Variants in SRGAP3 observed in about 807,000 individuals in gnomAD.
SRGAP3 encodes SLIT-ROBO Rho GTPase activating protein 3.
SRGAP3 carries 39 observed loss-of-function variants against 121.1 expected under a neutral mutation model. The ratio of observed to expected loss-of-function variants is 0.32; its 90% CI spans 0.25 to 0.42. SRGAP3 has a LOEUF of 0.42. SRGAP3 is among the 10% of genes least tolerant of loss of function. The pLI is 1.00. For missense variants in SRGAP3, 1,213 were observed against 1,470.6 expected (o/e 0.82, Z 2.86); for synonymous variants, 601 against 570.0 (o/e 1.05, Z -0.77).
chr3:9,047,268 T>C (rs1479737225), intron 10 of SRGAP3, 123 bp downstream of exon 10: 2 of 984,156 alleles, frequency 2.0e-6, no homozygotes, highest in African/African-American at 1.6e-5. Flanking sequence ...TCCTGGTAAG[T>C]CCAGGTTCAT....
At chr3:9,345,057 C>T (rs1205504096) in intron 1 of SRGAP3, among the ~76,000 whole-genome samples, 1 of 151,938 alleles carries the variant, frequency 6.6e-6, no homozygotes, top group Middle Eastern at 3.4e-3. Context: ...GCCAAGGAGG[C>T]TACATATTTA....
Position 8,985,618 on chromosome 3 carries a change from C to A in SRGAP3, c.3201G>T (p.Arg1067=), listed in dbSNP as rs202040708. 40 of 1,597,070 alleles carry A rather than the reference C, an allele frequency of 2.5e-5. No individual in the cohort carries two copies. In the East Asian group the frequency reaches 5.8e-4, roughly 23 times the overall value. ...CGCCCGAGCTGCTGCTGCTGCTGGACCGGTGCTGGACCACCGGCCGCACGG... is the reference window on the plus strand; with the variant it reads ...CGCCCGAGCTGCTGCTGCTGCTGGAACGGTGCTGGACCACCGGCCGCACGG... ...MRPVRPVVQH[R]SSSSSSSGVG... is the part of the protein sequence containing the mutation. Residue 1067 remains arginine, a synonymous_variant, in exon 22 of 22, where the codon CGG becomes CGT. Transcript: ENST00000383836. The surrounding 1 kb of genome is among the most constrained non-coding windows in gnomAD (Gnocchi z 5.1).
intron 18 of SRGAP3, among the ~76,000 whole-genome samples, chr3:8,996,587 C>G (rs967448039): frequency 6.6e-6 from 1 of 152,236 alleles, no homozygotes; most frequent in African/African-American, 2.4e-5. Flanking sequence ...GGGGAAATGA[C>G]AGCACCACTA....
At position 8,992,916 on chromosome 3, in the gene SRGAP3, C is replaced by T; in HGVS notation, c.2548G>A (p.Val850Met). 6.2e-7 allele frequency: 1 copy of T among 1,613,910 alleles called. No homozygotes were observed. The highest frequency in any genetic ancestry group is 1.1e-5 in the South Asian group (1 of 91,072). The change falls in exon 20 of 22, where the codon GTG (valine) becomes ATG (methionine). Residue 850 changes from valine (V) to methionine (M), a missense_variant. By Grantham distance (21) the Val-to-Met change is conservative. Transcript: ENST00000383836. ...ATCCGCATATCCTACCGGCCCATCA[C>T]CCCCCCAAAGCCGTAATCCGAGATG... Reference protein sequence around the residue: ...EHISDYGFGGVMGRVRLRSDG... With the variant: ...EHISDYGFGGMMGRVRLRSDG...
chr3:9,147,314 T>G (rs1575143926), intron 1 of SRGAP3, among the ~76,000 whole-genome samples: 1 of 151,712 alleles, frequency 6.6e-6, no homozygotes, highest in East Asian at 1.9e-4. Flanking sequence ...AGAAGTGGGG[T>G]AAGGGGTCAG....
chr3:9,195,124 G>A (rs1346227293), intron 1 of SRGAP3, among the ~76,000 whole-genome samples: 1 of 152,220 alleles, frequency 6.6e-6, no homozygotes, highest in African/African-American at 2.4e-5. Flanking sequence ...GTTGTGGAGA[G>A]ATGCACATAG....
At chr3:9,025,658 G>C (rs1944161590) in intron 13 of SRGAP3, among the ~76,000 whole-genome samples, 1 of 152,200 alleles carries the variant, frequency 6.6e-6, no homozygotes, top group Non-Finnish European at 1.5e-5. Context: ...CTAGACTCCA[G>C]AGTATATTCT....
chr3:9,028,219 A>G, intron 12 of SRGAP3: 1 of 1,569,296 alleles, frequency 6.4e-7, no homozygotes, highest in Non-Finnish European at 8.8e-7. Context: ...CAGATCCTTC[A>G]GAGTCCGTGA....
intron 14 of SRGAP3, among the ~76,000 whole-genome samples, 187 bp downstream of exon 14, chr3:9,025,074 G>A (rs1463272476): frequency 3.3e-5 from 5 of 152,136 alleles, no homozygotes; most frequent in Admixed American, 6.5e-5. Flanking sequence ...GTGTAAACAC[G>A]CCAGCCATGG....
intron 21 of SRGAP3, among the ~76,000 whole-genome samples, chr3:8,989,699 G>A (rs1375904242): frequency 1.3e-5 from 2 of 152,140 alleles, no homozygotes; most frequent in African/African-American, 4.8e-5. Flanking sequence ...CCATGAAACC[G>A]GCTATGCAAA....
chr3:9,141,985 C>T (rs1251030085), intron 1 of SRGAP3, among the ~76,000 whole-genome samples: 1 of 152,176 alleles, frequency 6.6e-6, no homozygotes. Flanking sequence ...TAATGGATTG[C>T]AAGCCTGAAA....
intron 3 of SRGAP3, among the ~76,000 whole-genome samples, chr3:9,287,910 G>T (rs1954803102): frequency 6.6e-6 from 1 of 152,004 alleles, no homozygotes; most frequent in Admixed American, 6.6e-5. Context: ...AGTTTCATTT[G>T]TGATGTATGT....
Position 9,284,089 on chromosome 3 carries a change from G to C in SRGAP3, n.442+41921C>G, listed in dbSNP as rs1954726095. Among the ~76,000 whole-genome samples, 3 of 151,798 alleles carry C rather than the reference G, an allele frequency of 2.0e-5. No homozygotes were observed. The South Asian group carries it at 6.2e-4, about 31-fold the overall frequency. ...TTCGAAGCACAAATCTTCTCTTAGA[G>C]TTGTATGTCACTCATTCTCCCGAGT... On this transcript the variant is annotated intron_variant and non_coding_transcript_variant, in intron 3 of 3. Coordinates refer to the SRGAP3 transcript ENST00000490889.
At chr3:9,099,997 C>G (rs1449928266) in intron 3 of SRGAP3, among the ~76,000 whole-genome samples, 1 of 152,232 alleles carries the variant, frequency 6.6e-6, no homozygotes, top group East Asian at 1.9e-4. Context: ...ACTCAGCTAC[C>G]GCTAGCTGAT....
At chr3:9,317,052 C>T (rs917580768) in intron 3 of SRGAP3, among the ~76,000 whole-genome samples, 6 of 152,080 alleles carry the variant, frequency 3.9e-5, no homozygotes, top group Admixed American at 1.3e-4. Flanking sequence ...CCAAGTGGAC[C>T]GCAACAGGGC....
At chr3:9,051,981 C>T (rs9809415) in intron 9 of SRGAP3, among the ~76,000 whole-genome samples, 12,016 of 152,112 alleles carry the variant, frequency 0.079, 570 homozygotes, top group South Asian at 0.11. Context: ...CCAAAGTGCT[C>T]GGATTACAGG....
At chr3:9,226,987 CA>C (rs1211556444) in intron 1 of SRGAP3, among the ~76,000 whole-genome samples, 5 of 152,010 alleles carry the variant, frequency 3.3e-5, no homozygotes, top group East Asian at 1.9e-4. Context: ...TCCTCCAGGT[CA>C]AAAAAACCCA....
chr3:9,255,095 G>A (rs2648518), intron 3 of SRGAP3, among the ~76,000 whole-genome samples: 96,822 of 151,872 alleles, frequency 0.64, 31,306 homozygotes, highest in South Asian at 0.76. Flanking sequence ...TTGTGAATGG[G>A]CTAAATGCCA....
At chr3:9,114,378 T>G (rs756501046) in intron 2 of SRGAP3, among the ~76,000 whole-genome samples, 7 of 152,226 alleles carry the variant, frequency 4.6e-5, no homozygotes, top group Non-Finnish European at 7.3e-5. Context: ...TAAGGCCTGA[T>G]GTACATAGAC....
Sources: gnomAD v4.1 joint callset for allele counts (sites outside exome capture counted in the v4.1 genomes callset) on GRCh38, gnomAD v4.1.1 for gene constraint, Gnocchi (gnomAD v3.1) non-coding constraint, MANE v1.5 for transcripts, NCBI Gene and HGNC (gene_info 2026-07-23, HGNC 2026-07-21) for gene names.